Variants in NEMP2 observed in about 807,000 individuals in gnomAD.
NEMP2 encodes nuclear envelope integral membrane protein 2.
NEMP2 carries 53 observed loss-of-function variants against 54.2 expected under a neutral mutation model. The observed-to-expected ratio is 0.98, with a 90% confidence interval of 0.78 to 1.23. The LOEUF (loss-of-function observed/expected upper bound fraction) is 1.23, where lower values mean the gene tolerates loss of function less well. Ranked by LOEUF, NEMP2 falls within the 50% of genes most tolerant of loss-of-function variation. The pLI, the probability that NEMP2 is intolerant of heterozygous loss-of-function variation, is 0.00. For synonymous variants in NEMP2, 197 were observed against 190.3 expected, an observed-to-expected ratio of 1.04 and a Z score of -0.29; for missense variants, 455 against 511.3, an observed-to-expected ratio of 0.89 and a Z score of 1.06.
At chr2:190,588,399 T>G in the NEMP2 span, among the ~76,000 whole-genome samples, 917 of 152,268 alleles carry the variant, frequency 6.0e-3, 14 homozygotes, top group African/African-American at 0.021. This position sits in a 1 kb window ranked among gnomAD's most constrained non-coding sequence, Gnocchi z 5.0. Flanking sequence ...GAAAAATGAT[T>G]AGAGATGGGG....
intron 4 of NEMP2, among the ~76,000 whole-genome samples, chr2:190,517,988 C>A (rs1312716909): frequency 6.6e-6 from 1 of 152,124 alleles, no homozygotes; most frequent in Non-Finnish European, 1.5e-5. Flanking sequence ...GGATTACAGC[C>A]CAGCTCGTCA....
chr2:190,440,108 G>A, the NEMP2 span, among the ~76,000 whole-genome samples: 1 of 152,164 alleles, frequency 6.6e-6, no homozygotes. Context: ...GTACTTTGTG[G>A]TTGTCCTGTT....
At chr2:190,453,411 A>G in the NEMP2 span, among the ~76,000 whole-genome samples, 108 of 152,248 alleles carry the variant, frequency 7.1e-4, no homozygotes, top group Middle Eastern at 0.01. Context: ...GAAGTTGGAG[A>G]TGTCTTTCAG....
the NEMP2 span, among the ~76,000 whole-genome samples, chr2:190,462,012 A>C: frequency 6.6e-6 from 1 of 152,180 alleles, no homozygotes; most frequent in Non-Finnish European, 1.5e-5. This position sits in a 1 kb window ranked among gnomAD's most constrained non-coding sequence, Gnocchi z 5.7. Flanking sequence ...TAGGAAGTAC[A>C]TAACTCACTA....
the NEMP2 span, among the ~76,000 whole-genome samples, chr2:190,485,460 T>G: frequency 6.6e-6 from 1 of 152,180 alleles, no homozygotes; most frequent in Non-Finnish European, 1.5e-5. The surrounding 1 kb of genome is among the most constrained non-coding windows in gnomAD (Gnocchi z 5.1). Flanking sequence ...GTGTTGGATT[T>G]TGCTATTGAA....
At chr2:190,558,724 C>G in the NEMP2 span, among the ~76,000 whole-genome samples, 1 of 152,010 alleles carries the variant, frequency 6.6e-6, no homozygotes, top group Non-Finnish European at 1.5e-5. The surrounding 1 kb of genome is among the most constrained non-coding windows in gnomAD (Gnocchi z 4.4). Flanking sequence ...AACATTTGGG[C>G]TTTATTATGT....
rs956509295 is a variant in NEMP2, at chr2:190,528,091, G to T, written c.98-2713C>A. ...GCCAAAAGAAGAATTCACAACCAGG[G>T]CTATGAATACACAAAGCAACCAATG... is the stretch of plus-strand genomic sequence containing the variant. On this transcript the variant is annotated intron_variant, in intron 1 of 8. Coordinates refer to ENST00000409150, the MANE Select transcript of NEMP2 (RefSeq NM_001142645.2). The surrounding 1 kb of genome is among the most constrained non-coding windows in gnomAD (Gnocchi z 4.3). Among the ~76,000 whole-genome samples, 14 of 152,186 alleles carry T rather than the reference G, an allele frequency of 9.2e-5. No individual in the cohort carries two copies. Among genetic ancestry groups the T allele is most frequent in the African/African-American group, 3.1e-4 (13 of 41,432 alleles).
At position 190,521,684 on chromosome 2, in the gene NEMP2, A is replaced by T. The variant is rs1690755035; in HGVS notation, c.214-2501T>A. On this transcript the variant is annotated intron_variant, in intron 2 of 8. Transcript: ENST00000409150. This position sits in a 1 kb window ranked among gnomAD's most constrained non-coding sequence, Gnocchi z 6.2. ...ATCAGGATTTCATTCCTAAAAGGCCACCCTGACAAGGTCACTGGTGCTTCC... is the reference window on the plus strand; with the variant it reads ...ATCAGGATTTCATTCCTAAAAGGCCTCCCTGACAAGGTCACTGGTGCTTCC... Among the ~76,000 whole-genome samples, 1 of 152,126 alleles carries T rather than the reference A, an allele frequency of 6.6e-6. No homozygotes were observed. The highest frequency in any genetic ancestry group is 2.1e-4 in the South Asian group (1 of 4,822).
At chr2:190,569,454 T>C in the NEMP2 span, among the ~76,000 whole-genome samples, 23,736 of 152,192 alleles carry the variant, frequency 0.16, 1,959 homozygotes, top group East Asian at 0.29. Flanking sequence ...ATTTAAGAAC[T>C]TTGAATTTTA....
At chr2:190,464,866 T>C in the NEMP2 span, 1 of 964,760 alleles carries the variant, frequency 1.0e-6, no homozygotes, top group Non-Finnish European at 1.2e-6. Flanking sequence ...AAATGTTTAT[T>C]GAGCAAAATT....
At chr2:190,555,475 A>G in the NEMP2 span, among the ~76,000 whole-genome samples, 1 of 152,062 alleles carries the variant, frequency 6.6e-6, no homozygotes, top group Non-Finnish European at 1.5e-5. The surrounding 1 kb of genome is among the most constrained non-coding windows in gnomAD (Gnocchi z 4.8). Context: ...AGAAGAACAC[A>G]AATGACCTGA....
At chr2:190,629,680 T>C in the NEMP2 span, 2 of 152,198 alleles carry the variant, frequency 1.3e-5, no homozygotes, top group African/African-American at 2.4e-5. Flanking sequence ...TGAGCCCTAA[T>C]TGAAAAGGAC....
At chr2:190,559,803 C>A in the NEMP2 span, among the ~76,000 whole-genome samples, 1,665 of 152,282 alleles carry the variant, frequency 0.011, 37 homozygotes, top group African/African-American at 0.036. This position sits in a 1 kb window ranked among gnomAD's most constrained non-coding sequence, Gnocchi z 4.0. Context: ...TGGCCCCTGG[C>A]AGCAGGTCCA....
the NEMP2 span, among the ~76,000 whole-genome samples, chr2:190,623,296 T>A: frequency 1.4e-4 from 22 of 151,820 alleles, no homozygotes; most frequent in Admixed American, 1.4e-3. Context: ...ATGACATTCA[T>A]CACAGAAATA....
chr2:190,497,604 C>G, the NEMP2 span: 3 of 1,614,146 alleles, frequency 1.9e-6, no homozygotes, highest in Non-Finnish European at 2.5e-6. The surrounding 1 kb of genome is among the most constrained non-coding windows in gnomAD (Gnocchi z 5.2). Context: ...GTGAACAAAC[C>G]AGCCTGGGGA....
chr2:190,596,382 A>G, the NEMP2 span, among the ~76,000 whole-genome samples: 3 of 152,338 alleles, frequency 2.0e-5, no homozygotes, highest in African/African-American at 4.8e-5. The surrounding 1 kb of genome is among the most constrained non-coding windows in gnomAD (Gnocchi z 5.1). Flanking sequence ...CATGCATCCC[A>G]GAACTTAAAG....
the NEMP2 span, among the ~76,000 whole-genome samples, chr2:190,431,125 G>A: frequency 2.0e-5 from 3 of 148,072 alleles, no homozygotes; most frequent in Admixed American, 6.7e-5. This position sits in a 1 kb window ranked among gnomAD's most constrained non-coding sequence, Gnocchi z 4.4. Context: ...GGGCAGAGGC[G>A]CTCCCCACAT....
At chr2:190,450,141 C>T in the NEMP2 span, among the ~76,000 whole-genome samples, 1 of 152,120 alleles carries the variant, frequency 6.6e-6, no homozygotes, top group Non-Finnish European at 1.5e-5. Context: ...CCAGCTGTTT[C>T]GTTATCTTGA....
At chr2:190,565,536 T>C in the NEMP2 span, among the ~76,000 whole-genome samples, 1 of 152,182 alleles carries the variant, frequency 6.6e-6, no homozygotes. Flanking sequence ...TGTGGAAGGA[T>C]ACAGAATTGG....
Sources: allele counts gnomAD v4.1 joint callset (sites outside exome capture counted in the v4.1 genomes callset), GRCh38; gene constraint gnomAD v4.1.1; non-coding constraint Gnocchi (gnomAD v3.1); transcripts MANE v1.5; gene names NCBI Gene and HGNC (gene_info 2026-07-23, HGNC 2026-07-21).